The following ENTPD5 variants were observed in gnomAD, a reference collection of about 807,000 sequenced individuals.
The protein encoded by ENTPD5 is nucleoside diphosphate phosphatase ENTPD5.
Under a neutral mutation model 60.2 loss-of-function variants are expected in ENTPD5, and 49 were observed. The ratio of observed to expected loss-of-function variants is 0.81; its 90% CI spans 0.65 to 1.03. The LOEUF (loss-of-function observed/expected upper bound fraction) is 1.03. ENTPD5 is among the 50% of genes least tolerant of loss of function. The pLI is 0.00. For missense variants in ENTPD5, 480 were observed against 507.6 expected, an observed-to-expected ratio of 0.95 and a Z score of 0.52; for synonymous variants, 187 against 185.4, an observed-to-expected ratio of 1.01 and a Z score of -0.07.
At chr14:74,019,202 C>G (rs1321666487) in intron 1 of ENTPD5, 48 bp downstream of exon 1, 1 of 158,534 alleles carries the variant, frequency 6.3e-6, no homozygotes, top group Non-Finnish European at 1.4e-5. Context: ...CCCGCAGAGC[C>G]CGGGCCCCAC....
At chr14:73,987,421 T>A (rs947128167) in intron 4 of ENTPD5, among the ~76,000 whole-genome samples, 3 of 152,158 alleles carry the variant, frequency 2.0e-5, no homozygotes, top group Non-Finnish European at 2.9e-5. Context: ...CATGGTGACT[T>A]ACACCTATAA....
At chr14:73,997,515 T>C (rs557235908) in intron 3 of ENTPD5, among the ~76,000 whole-genome samples, 2 of 152,248 alleles carry the variant, frequency 1.3e-5, no homozygotes, top group African/African-American at 4.8e-5. Context: ...AAGTTAAAAA[T>C]TAAACATAAG....
chr14:73,992,930 G>T (rs2058197020), intron 3 of ENTPD5, among the ~76,000 whole-genome samples: 1 of 152,126 alleles, frequency 6.6e-6, no homozygotes, highest in Non-Finnish European at 1.5e-5. Context: ...TTGAACCTGG[G>T]AGGCGGAGGT....
intron 15 of ENTPD5, among the ~76,000 whole-genome samples, chr14:73,969,715 T>TAATTAATA (rs1555360491): frequency 2.0e-5 from 3 of 148,822 alleles, no homozygotes; most frequent in Non-Finnish European, 4.5e-5. Context: ...AAAAAAATAA[T>TAATTAATA]AATAAATAAA....
In ENTPD5 at chr14:73,963,599, T is replaced by G. The variant is rs2056854416; in HGVS notation, c.*3329A>C. The G allele has an allele frequency of 6.4e-6, 1 of 156,026 alleles. No individual in the cohort carries two copies. Among genetic ancestry groups the G allele is most frequent in the Non-Finnish European group, 1.4e-5 (1 of 70,894 alleles). 9.7% of individuals were successfully genotyped at this position (156,026 alleles called of 1,614,324 possible). Reference sequence around the variant, plus strand: ...CACCACTGTCGGTTTAATAAAACAATAAATAATTCATTGCACAGATCCGAA... The same window carrying G: ...CACCACTGTCGGTTTAATAAAACAAGAAATAATTCATTGCACAGATCCGAA... On this transcript the variant is annotated 3_prime_UTR_variant, in exon 16 of 16. Transcript: ENST00000334696.
chr14:74,012,240 G>C (rs2058867601), intron 2 of ENTPD5, among the ~76,000 whole-genome samples: 1 of 151,968 alleles, frequency 6.6e-6, no homozygotes, highest in Non-Finnish European at 1.5e-5. Context: ...AAGTAGCTGG[G>C]ATTACACGTG....
intron 6 of ENTPD5, among the ~76,000 whole-genome samples, chr14:73,979,598 A>G (rs1477859339): frequency 6.6e-6 from 1 of 151,426 alleles, no homozygotes. Flanking sequence ...CAGCCTCCCG[A>G]GTAGCTGGGA....
In ENTPD5 at chr14:73,963,288, T is replaced by G; in HGVS notation, c.*3640A>C. On this transcript the variant is annotated 3_prime_UTR_variant, in exon 16 of 16. Coordinates refer to ENST00000334696, the MANE Select transcript of ENTPD5 (RefSeq NM_001249.5). Reference sequence around the variant, plus strand: ...CCCACAAGGTGCTGTCTCACTCATTTCCAGTTAATCATTTCTAAAGAGAAA... The same window carrying G: ...CCCACAAGGTGCTGTCTCACTCATTGCCAGTTAATCATTTCTAAAGAGAAA... 2.0e-6 allele frequency: 1 copy of G among 500,728 alleles called. No homozygotes were observed. Among genetic ancestry groups the G allele is most frequent in the Non-Finnish European group, 3.5e-6 (1 of 285,708 alleles). 31.0% of individuals were successfully genotyped at this position (500,728 alleles called of 1,614,324 possible). A position where few individuals can be genotyped will look rare whatever the true frequency, so the allele number is the denominator to read the frequency against.
intron 5 of ENTPD5, among the ~76,000 whole-genome samples, chr14:73,983,980 C>T (rs558723075): frequency 1.3e-5 from 2 of 151,886 alleles, no homozygotes; most frequent in African/African-American, 2.4e-5. Context: ...CATGAGCCAC[C>T]GTGCCTGGCC....
chr14:73,982,978 A>G, intron 6 of ENTPD5, 40 bp downstream of exon 6: 1 of 1,595,776 alleles, frequency 6.3e-7, no homozygotes, highest in Non-Finnish European at 8.6e-7. Context: ...TCATATAGGG[A>G]AAAGGGCAGA....
chr14:73,966,761 A>T lies in ENTPD5; in HGVS notation c.*167T>A. 1.7e-6 allele frequency: 1 copy of T among 582,256 alleles called. No individual in the cohort carries two copies. The highest frequency in any genetic ancestry group is 3.1e-5 in the Admixed American group (1 of 32,210). 36.1% of individuals were successfully genotyped at this position (582,256 alleles called of 1,614,324 possible). On this transcript the variant is annotated 3_prime_UTR_variant, in exon 16 of 16. Transcript: ENST00000334696. ...TGTGATGCTCTGGTGCCAGCTGTGT[A>T]CTCTTGAGTGGTTAGGCAGCAGTTC...
At chr14:73,978,626 G>A (rs1019748944) in intron 6 of ENTPD5, among the ~76,000 whole-genome samples, 1 of 118,732 alleles carries the variant, frequency 8.4e-6, no homozygotes, top group Non-Finnish European at 1.9e-5. Flanking sequence ...AAAACAAAAC[G>A]CCAAAAAACA....
intron 2 of ENTPD5, among the ~76,000 whole-genome samples, chr14:74,013,053 T>C (rs2058893470): frequency 6.6e-6 from 1 of 152,168 alleles, no homozygotes; most frequent in Non-Finnish European, 1.5e-5. Flanking sequence ...TTCTGAAACT[T>C]TAGCACGCAT....
chr14:74,005,066 T>C (rs2058628820), intron 3 of ENTPD5, among the ~76,000 whole-genome samples: 1 of 151,876 alleles, frequency 6.6e-6, no homozygotes, highest in Non-Finnish European at 1.5e-5. Flanking sequence ...TTAACTGTTT[T>C]TGTTCATTTG....
chr14:73,955,771 G>C, downstream of ENTPD5: 1 of 1,614,086 alleles, frequency 6.2e-7, no homozygotes, highest in South Asian at 1.1e-5. Flanking sequence ...TTTCCCTCTT[G>C]GTTTTAATGC....
chr14:73,961,114 T>G, downstream of ENTPD5: 3 of 1,562,934 alleles, frequency 1.9e-6, no homozygotes, highest in South Asian at 3.5e-5. Flanking sequence ...CTTTATTGAA[T>G]TTTTAATTCC....
chr14:73,981,093 C>T (rs549161497), intron 6 of ENTPD5, among the ~76,000 whole-genome samples: 51 of 151,002 alleles, frequency 3.4e-4, no homozygotes, highest in Non-Finnish European at 6.1e-4. Flanking sequence ...AGCAAGTCTC[C>T]GCCTCTCAAA....
At position 73,987,999 on chromosome 14, in the gene ENTPD5, A is replaced by T. The variant is rs1184629083; in HGVS notation, c.104T>A (p.Leu35Gln). The change falls in exon 4 of 16, where the codon CTG becomes CAG. Residue 35 changes from leucine to glutamine, a missense_variant. By Grantham distance (113) the Leu-to-Gln change is moderately radical. Transcript: ENST00000334696. ...NQQTWFEGIFLSSMCPINVSA... is the reference protein window; with the variant it reads ...NQQTWFEGIFQSSMCPINVSA... ...GACATTGATGGGGCACATGGAAGAC[A>T]GGAAGATACCCTCAAACCAAGTCTG... 2.5e-6 allele frequency: 4 copies of T among 1,614,222 alleles called. No homozygotes were observed. Among genetic ancestry groups the T allele is most frequent in the Non-Finnish European group, 3.4e-6 (4 of 1,180,048 alleles).
chr14:73,975,879 G>C (rs2057419556), intron 10 of ENTPD5, 57 bp downstream of exon 10: 2 of 1,396,922 alleles, frequency 1.4e-6, no homozygotes, highest in Middle Eastern at 1.8e-4. Flanking sequence ...GAATGCTTTG[G>C]AAAGTTAGGA....
Sources: gnomAD v4.1 joint callset for allele counts (sites outside exome capture counted in the v4.1 genomes callset) on GRCh38, gnomAD v4.1.1 for gene constraint, MANE v1.5 for transcripts, NCBI Gene and HGNC (gene_info 2026-07-23, HGNC 2026-07-21) for gene names.